TNPO3: variants seen among roughly 807,000 people sequenced by gnomAD.
TNPO3 encodes the protein transportin 3.
In TNPO3, 65 loss-of-function variants were observed where a neutral mutation model predicts 122.8. That is an observed-to-expected ratio of 0.53 (90% CI 0.43 to 0.65). TNPO3 has a LOEUF of 0.65. TNPO3 is among the 30% of genes least tolerant of loss of function. The pLI, the probability that TNPO3 is intolerant of heterozygous loss-of-function variation, is 0.00. For synonymous variants in TNPO3, 372 were observed against 411.2 expected, an observed-to-expected ratio of 0.90 and a Z score of 1.15; for missense variants, 850 against 1,136.7, an observed-to-expected ratio of 0.75 and a Z score of 3.63.
intron 1 of TNPO3, among the ~76,000 whole-genome samples, chr7:129,033,367 ATC>A: frequency 6.6e-6 from 1 of 152,188 alleles, no homozygotes; most frequent in East Asian, 1.9e-4. Context: ...GGAAAGGCAT[ATC>A]AAAGCCACAA....
At chr7:128,989,106 C>A (rs898701578) in intron 11 of TNPO3, among the ~76,000 whole-genome samples, 6 of 151,240 alleles carry the variant, frequency 4.0e-5, no homozygotes, top group African/African-American at 1.2e-4. Flanking sequence ...ACAAAAACAA[C>A]AAAAAAAAGA....
At chr7:129,002,414 G>A (rs908189045) in intron 5 of TNPO3, among the ~76,000 whole-genome samples, 2 of 152,208 alleles carry the variant, frequency 1.3e-5, no homozygotes, top group African/African-American at 4.8e-5. Context: ...GGTTTCTAGT[G>A]AAGAGAGTAC....
chr7:129,008,612 T>G (rs1329252020), intron 4 of TNPO3, among the ~76,000 whole-genome samples: 1 of 152,186 alleles, frequency 6.6e-6, no homozygotes, highest in African/African-American at 2.4e-5. Context: ...AACTAATAAA[T>G]GCACAGGAGC....
intron 1 of TNPO3, among the ~76,000 whole-genome samples, chr7:129,022,438 G>A (rs953395050): frequency 1.3e-5 from 2 of 151,484 alleles, no homozygotes; most frequent in African/African-American, 4.9e-5. Flanking sequence ...ACTCCAGCCT[G>A]GGTGACAGAG....
chr7:128,989,870 A>G (rs1800567130), intron 11 of TNPO3, 91 bp downstream of exon 11: 2 of 1,460,828 alleles, frequency 1.4e-6, no homozygotes, highest in Non-Finnish European at 9.3e-7. Context: ...TTAAAAAAAC[A>G]GAAAGGAAAA....
intron 6 of TNPO3, 55 bp from the exon 7 acceptor site, chr7:129,000,622 A>C: frequency 6.6e-7 from 1 of 1,519,968 alleles, no homozygotes; most frequent in Non-Finnish European, 9.0e-7. Context: ...TATTATAAGT[A>C]TATACAGGCA....
intron 21 of TNPO3, among the ~76,000 whole-genome samples, chr7:128,964,142 G>A (rs1466766591): frequency 6.6e-6 from 1 of 152,034 alleles, no homozygotes; most frequent in Non-Finnish European, 1.5e-5. Flanking sequence ...AGAAATTAAA[G>A]ACACCAATAA....
intron 9 of TNPO3, among the ~76,000 whole-genome samples, chr7:128,993,082 A>G (rs1800922148): frequency 1.3e-5 from 2 of 152,068 alleles, no homozygotes; most frequent in South Asian, 4.2e-4. Flanking sequence ...TACTTTTATT[A>G]ATACTTTTTA....
At chr7:128,996,130 C>T (rs1207813817) in intron 8 of TNPO3, among the ~76,000 whole-genome samples, 1 of 152,164 alleles carries the variant, frequency 6.6e-6, no homozygotes, top group Non-Finnish European at 1.5e-5. Context: ...ATTAAGAGAA[C>T]AGCACGTGGG....
At chr7:129,023,343 A>G (rs1289807892) in intron 1 of TNPO3, among the ~76,000 whole-genome samples, 3 of 151,932 alleles carry the variant, frequency 2.0e-5, no homozygotes, top group Non-Finnish European at 4.4e-5. Context: ...ACACTTGTAT[A>G]CATACACGTG....
chr7:128,975,991 TACG>T lies in TNPO3; in HGVS notation c.2062-59_2062-57del, dbSNP rs1799019373. 5.0e-5 allele frequency: 61 copies of T among 1,218,374 alleles called. 1 individual carries two copies. In the South Asian group the frequency reaches 7.4e-4, roughly 15 times the overall value. 75.5% of individuals were successfully genotyped at this position (1,218,374 alleles called of 1,614,324 possible). The stretch of plus-strand genomic sequence containing the variant: ...CTTCGTCCTTCAAAAAGTACCAACT[TACG>T]AAGCTGTCTCCAGGAAGAAATTCAG... On this transcript the variant is annotated intron_variant, in intron 16 of 22. Coordinates refer to ENST00000265388, the MANE Select transcript of TNPO3 (RefSeq NM_012470.4).
At chr7:128,958,343 C>T (rs1797111054) in intron 21 of TNPO3, among the ~76,000 whole-genome samples, 1 of 152,038 alleles carries the variant, frequency 6.6e-6, no homozygotes, top group African/African-American at 2.4e-5. Context: ...TGTGGTTTCA[C>T]CATGTTGGCC....
At chr7:129,015,272 A>G in intron 3 of TNPO3, 137 bp from the exon 4 acceptor site, 1 of 796,034 alleles carries the variant, frequency 1.3e-6, no homozygotes, top group Non-Finnish European at 1.9e-6. Context: ...AAAGATACAA[A>G]CATAAATGTC....
In TNPO3 at chr7:128,954,409, T is replaced by G. The variant is rs1274927899; in HGVS notation, c.*1008A>C. The stretch of plus-strand genomic sequence containing the variant: ...AACATACTAAATGACACATCATCCC[T>G]TGTTAGCCCTGTAAACATTTTTTCT... On this transcript the variant is annotated 3_prime_UTR_variant, in exon 23 of 23. Transcript: ENST00000265388. 2 of 152,254 alleles carry G rather than the reference T, an allele frequency of 1.3e-5. No individual in the cohort carries two copies. The highest frequency in any genetic ancestry group is 4.8e-5 in the African/African-American group (2 of 41,468). 9.4% of individuals were successfully genotyped at this position (152,254 alleles called of 1,614,324 possible).
intron 22 of TNPO3, among the ~76,000 whole-genome samples, chr7:128,956,931 G>T (rs1199170459): frequency 2.6e-5 from 4 of 152,202 alleles, no homozygotes; most frequent in African/African-American, 9.7e-5. Context: ...TACCATCTTA[G>T]AAGTGTCTGT....
intron 1 of TNPO3, among the ~76,000 whole-genome samples, chr7:129,045,043 T>G (rs1279027185): frequency 6.6e-6 from 1 of 152,184 alleles, no homozygotes; most frequent in Non-Finnish European, 1.5e-5. Context: ...TTTCTGACAA[T>G]GCTACGCACA....
At chr7:129,050,816 A>C (rs1202336770) in intron 1 of TNPO3, among the ~76,000 whole-genome samples, 2 of 152,218 alleles carry the variant, frequency 1.3e-5, no homozygotes, top group Non-Finnish European at 2.9e-5. Flanking sequence ...CAGAAAAGCA[A>C]TGAGAGAAAG....
intron 14 of TNPO3, among the ~76,000 whole-genome samples, chr7:128,981,832 G>T (rs1422758213): frequency 1.3e-5 from 2 of 151,188 alleles, no homozygotes; most frequent in East Asian, 3.9e-4. Flanking sequence ...AGGCTCAAGT[G>T]ATCCTCCCAC....
chr7:128,993,333 T>C (rs567569292), intron 9 of TNPO3, among the ~76,000 whole-genome samples: 1 of 152,342 alleles, frequency 6.6e-6, no homozygotes, highest in Admixed American at 6.5e-5. Context: ...CCCTGGACTA[T>C]GAATCTTCTA....
Sources: gnomAD v4.1 joint callset for allele counts (sites outside exome capture counted in the v4.1 genomes callset) on GRCh38, gnomAD v4.1.1 for gene constraint, MANE v1.5 for transcripts, NCBI Gene and HGNC (gene_info 2026-07-23, HGNC 2026-07-21) for gene names.